BRD10: variants seen among roughly 807,000 people sequenced by gnomAD.
BRD10 encodes the protein bromodomain containing 10.
the BRD10 span, chr9:5,921,666 A>C: frequency 6.2e-7 from 1 of 1,613,772 alleles, no homozygotes; most frequent in Non-Finnish European, 8.5e-7. Flanking sequence ...TTTGTGATAT[A>C]ATCTACTTGT....
At chr9:5,886,055 G>C in the BRD10 span, among the ~76,000 whole-genome samples, 1 of 152,220 alleles carries the variant, frequency 6.6e-6, no homozygotes, top group Non-Finnish European at 1.5e-5. Flanking sequence ...AGCGGGGACC[G>C]AAAGCGGAAG....
chr9:5,904,030 G>T, the BRD10 span, among the ~76,000 whole-genome samples: 1 of 152,136 alleles, frequency 6.6e-6, no homozygotes, highest in East Asian at 1.9e-4. Flanking sequence ...GCTAAGTTTT[G>T]TATTTTTAGC....
chr9:5,939,465 G>T, the BRD10 span, among the ~76,000 whole-genome samples: 1 of 152,124 alleles, frequency 6.6e-6, no homozygotes, highest in African/African-American at 2.4e-5. Flanking sequence ...GGAAGCTAAG[G>T]TCAAGAATCT....
At chr9:5,892,443 C>T in the BRD10 span, 2 of 1,596,886 alleles carry the variant, frequency 1.3e-6, no homozygotes, top group Non-Finnish European at 1.7e-6. Context: ...CATGCTCCTT[C>T]TGTTAGGTGT....
the BRD10 span, among the ~76,000 whole-genome samples, chr9:5,925,350 C>A: frequency 2.6e-5 from 3 of 115,638 alleles, no homozygotes; most frequent in African/African-American, 9.4e-5. Flanking sequence ...CAGAGCGAGA[C>A]TCCATCTCAA....
the BRD10 span, among the ~76,000 whole-genome samples, chr9:5,979,048 T>C: frequency 6.6e-6 from 1 of 152,244 alleles, no homozygotes; most frequent in Non-Finnish European, 1.5e-5. Flanking sequence ...ATTAAGTCAC[T>C]GCTACTTTGT....
the BRD10 span, among the ~76,000 whole-genome samples, chr9:5,886,572 G>C: frequency 6.6e-6 from 1 of 152,216 alleles, no homozygotes; most frequent in Non-Finnish European, 1.5e-5. Flanking sequence ...CTGAAGAGAT[G>C]AAGTGCAAGT....
At chr9:5,906,975 C>A in the BRD10 span, 10 of 1,598,590 alleles carry the variant, frequency 6.3e-6, no homozygotes, top group Non-Finnish European at 8.5e-6. Flanking sequence ...AGTGTCTCTT[C>A]AAGAGAAAAA....
At chr9:5,981,453 C>T in the BRD10 span, among the ~76,000 whole-genome samples, 1 of 152,146 alleles carries the variant, frequency 6.6e-6, no homozygotes, top group African/African-American at 2.4e-5. Context: ...TGTTTCCTGG[C>T]AGAGGAGAGA....
chr9:5,933,653 A>G, the BRD10 span: 2 of 392,848 alleles, frequency 5.1e-6, no homozygotes, highest in African/African-American at 4.2e-5. Context: ...TTAAGGAATC[A>G]TAAAGGAAAA....
chr9:5,901,840 C>T, the BRD10 span, among the ~76,000 whole-genome samples: 2 of 152,248 alleles, frequency 1.3e-5, no homozygotes, highest in African/African-American at 4.8e-5. Context: ...CAATATTGAA[C>T]CAGGTTTGCA....
At chr9:5,881,707 G>A in the BRD10 span, 15 of 152,316 alleles carry the variant, frequency 9.8e-5, no homozygotes, top group East Asian at 2.7e-3. Context: ...TTAGGGTGAT[G>A]GTGACTGGGT....
At chr9:5,973,160 T>C in the BRD10 span, among the ~76,000 whole-genome samples, 1 of 152,188 alleles carries the variant, frequency 6.6e-6, no homozygotes, top group Non-Finnish European at 1.5e-5. Context: ...GAAGACAAGA[T>C]AGAATTCAAA....
the BRD10 span, among the ~76,000 whole-genome samples, chr9:5,904,074 T>C: frequency 6.6e-6 from 1 of 151,788 alleles, no homozygotes; most frequent in East Asian, 2.0e-4. Context: ...CCCAGGCTGG[T>C]CTTGAACTCC....
At chr9:5,974,739 C>G in the BRD10 span, among the ~76,000 whole-genome samples, 2 of 152,250 alleles carry the variant, frequency 1.3e-5, no homozygotes, top group South Asian at 4.1e-4. Flanking sequence ...ATTAAGAGTA[C>G]TGATTAGTAC....
the BRD10 span, among the ~76,000 whole-genome samples, chr9:5,972,650 T>A: frequency 6.6e-6 from 1 of 152,222 alleles, no homozygotes; most frequent in South Asian, 2.1e-4. Flanking sequence ...CGTGATATGT[T>A]GGCTCCCCTT....
At chr9:6,004,358 G>C in the BRD10 span, among the ~76,000 whole-genome samples, 1 of 152,198 alleles carries the variant, frequency 6.6e-6, no homozygotes, top group Non-Finnish European at 1.5e-5. Context: ...CCTAATTCTA[G>C]AAGATACTTA....
chr9:5,959,763 T>C, the BRD10 span, among the ~76,000 whole-genome samples: 3 of 152,202 alleles, frequency 2.0e-5, no homozygotes, highest in African/African-American at 7.2e-5. Context: ...TCATTTCCTA[T>C]AAAGCAGCTC....
At chr9:5,936,788 C>A in the BRD10 span, among the ~76,000 whole-genome samples, 1 of 152,092 alleles carries the variant, frequency 6.6e-6, no homozygotes, top group African/African-American at 2.4e-5. Context: ...TTTACCTTAA[C>A]CTTCATAGAT....
Sources: allele counts gnomAD v4.1 joint callset (sites outside exome capture counted in the v4.1 genomes callset), GRCh38; gene constraint gnomAD v4.1.1; transcripts MANE v1.5; gene names NCBI Gene and HGNC (gene_info 2026-07-23, HGNC 2026-07-21).